C8orf34: variants seen among roughly 807,000 people sequenced by gnomAD.
C8orf34 encodes uncharacterized protein C8orf34.
Under a neutral mutation model 68.3 loss-of-function variants are expected in C8orf34, and 65 were observed. The observed-to-expected ratio is 0.95, with a 90% CI of 0.78 to 1.17. The LOEUF is 1.17. C8orf34 is among the 50% of genes most tolerant of loss of function. The pLI is 0.00. For missense variants in C8orf34, 664 were observed against 655.4 expected (o/e 1.01, Z -0.14); for synonymous variants, 244 against 241.2 (o/e 1.01, Z -0.11).
At chr8:68,775,097 A>G (rs1563662371) in intron 10 of C8orf34, among the ~76,000 whole-genome samples, 1 of 149,932 alleles carries the variant, frequency 6.7e-6, no homozygotes, top group Non-Finnish European at 1.5e-5. Context: ...GAAGAGTATC[A>G]GACTAGAATC....
At chr8:68,645,287 A>G (rs1024422215) in intron 8 of C8orf34, among the ~76,000 whole-genome samples, 2 of 152,000 alleles carry the variant, frequency 1.3e-5, no homozygotes, top group Non-Finnish European at 2.9e-5. Flanking sequence ...CAATAACTAG[A>G]AACAACACAG....
intron 7 of C8orf34, among the ~76,000 whole-genome samples, chr8:68,574,195 ATATG>A (rs1816837101): frequency 6.6e-6 from 1 of 152,100 alleles, no homozygotes; most frequent in African/African-American, 2.4e-5. Flanking sequence ...ATCTGTATAC[ATATG>A]TAAGTATTAA....
At chr8:68,461,603 C>T (rs1321490050) in intron 3 of C8orf34, among the ~76,000 whole-genome samples, 2 of 152,230 alleles carry the variant, frequency 1.3e-5, no homozygotes, top group African/African-American at 2.4e-5. Flanking sequence ...TCGGCAGAAA[C>T]TCTACAAGCC....
chr8:68,370,154 G>A lies in C8orf34; in HGVS notation c.327+38815G>A, dbSNP rs28416348. Among the ~76,000 whole-genome samples, 296 of 152,154 alleles carry A rather than the reference G, an allele frequency of 1.9e-3. 3 individuals carry two copies. Among genetic ancestry groups the A allele is most frequent in the African/African-American group, 6.8e-3 (284 of 41,502 alleles). Reference sequence around the variant, plus strand: ...TCTCCATTTGTGGTAATTCAATTCAGGTTTTAGCCTACCAGACCTAGCTTT... The same window carrying A: ...TCTCCATTTGTGGTAATTCAATTCAAGTTTTAGCCTACCAGACCTAGCTTT... On this transcript the variant is annotated intron_variant, in intron 1 of 13. Coordinates refer to ENST00000518698, the MANE Select transcript of C8orf34 (RefSeq NM_052958.4).
At chr8:68,812,792 T>C (rs1824693069) in intron 12 of C8orf34, among the ~76,000 whole-genome samples, 1 of 152,204 alleles carries the variant, frequency 6.6e-6, no homozygotes, top group South Asian at 2.1e-4. Flanking sequence ...TAAAGATCAC[T>C]TGAGAAGGGG....
At chr8:68,567,653 C>T (rs185939485) in intron 7 of C8orf34, among the ~76,000 whole-genome samples, 6 of 112,034 alleles carry the variant, frequency 5.4e-5, no homozygotes, top group Admixed American at 2.6e-4. Context: ...GGAGTGCAGT[C>T]GTGCAATCTC....
chr8:68,657,476 C>T (rs1476235923), intron 8 of C8orf34, among the ~76,000 whole-genome samples: 2 of 152,194 alleles, frequency 1.3e-5, no homozygotes, highest in Admixed American at 6.5e-5. Flanking sequence ...TCTGCTGCCA[C>T]CTTGATTTAG....
intron 9 of C8orf34, among the ~76,000 whole-genome samples, chr8:68,719,415 CAA>C (rs1821604763): frequency 6.6e-6 from 1 of 151,878 alleles, no homozygotes; most frequent in South Asian, 2.1e-4. Context: ...GTAAATCATA[CAA>C]AGTTACTAAT....
At chr8:68,490,636 T>G (rs1337273473) in intron 5 of C8orf34, among the ~76,000 whole-genome samples, 1 of 152,178 alleles carries the variant, frequency 6.6e-6, no homozygotes, top group African/African-American at 2.4e-5. Context: ...ACATTTATTA[T>G]TTTTCATTTT....
rs539997412 is a variant in C8orf34 at position 68,445,220 on chromosome 8, A to C, written c.476-1109A>C. Among the ~76,000 whole-genome samples the C allele has an allele frequency of 2.0e-5, 3 of 152,330 alleles. No individual in the cohort carries two copies. The South Asian group carries it at 6.2e-4, about 32-fold the overall frequency. On this transcript the variant is annotated intron_variant, in intron 2 of 13. Transcript: ENST00000518698. ...CAACCTTAACATGAAAGTTTGAGGA[A>C]TCCATTAATGTGTAATGGTGTATGT... is the stretch of plus-strand genomic sequence containing the variant.
rs1290119723 is a variant in C8orf34, at chr8:68,798,760, A to AT, written c.1549+11228dup. Among the ~76,000 whole-genome samples, 7 of 152,238 alleles carry AT rather than the reference A, an allele frequency of 4.6e-5. No individual in the cohort carries two copies. The East Asian group carries it at 1.4e-3, about 29-fold the overall frequency. On this transcript the variant is annotated intron_variant, in intron 12 of 13. Coordinates refer to ENST00000518698, the MANE Select transcript of C8orf34 (RefSeq NM_052958.4). ...TCTGAATCATTTGTGTGCTATTCTT[A>AT]TTTTGAAATGTTCCCCATGTTTGTG...
intron 7 of C8orf34, among the ~76,000 whole-genome samples, chr8:68,543,188 A>T (rs1248355862): frequency 6.6e-6 from 1 of 152,152 alleles, no homozygotes; most frequent in South Asian, 2.1e-4. Flanking sequence ...TAAGCAAAAA[A>T]GTTTAGACAT....
intron 12 of C8orf34, among the ~76,000 whole-genome samples, chr8:68,810,794 C>A (rs1249828690): frequency 6.6e-6 from 1 of 152,154 alleles, no homozygotes; most frequent in Non-Finnish European, 1.5e-5. Context: ...TGGGTAGCTC[C>A]TCTCCACAGA....
At chr8:68,590,005 G>T (rs1817337196) in intron 7 of C8orf34, among the ~76,000 whole-genome samples, 1 of 146,398 alleles carries the variant, frequency 6.8e-6, no homozygotes, top group African/African-American at 2.5e-5. Flanking sequence ...TAAAAAATAA[G>T]AAAAAATTTT....
chr8:68,685,528 T>G (rs1244206340), intron 8 of C8orf34, among the ~76,000 whole-genome samples: 2 of 152,082 alleles, frequency 1.3e-5, no homozygotes, highest in Non-Finnish European at 2.9e-5. Flanking sequence ...ATTTCCAAGT[T>G]GAGGTATGAG....
intron 12 of C8orf34, among the ~76,000 whole-genome samples, chr8:68,796,831 T>C (rs1824192048): frequency 6.7e-6 from 1 of 149,110 alleles, no homozygotes; most frequent in Non-Finnish European, 1.5e-5. Context: ...TCTTTTTTTT[T>C]TTTTTTTTTT....
intron 2 of C8orf34, among the ~76,000 whole-genome samples, chr8:68,445,481 G>T (rs958231798): frequency 6.6e-6 from 1 of 152,168 alleles, no homozygotes; most frequent in Non-Finnish European, 1.5e-5. Flanking sequence ...TCTTGTAAAA[G>T]AAGTCAAGAG....
intron 1 of C8orf34, among the ~76,000 whole-genome samples, chr8:68,362,017 A>AT (rs1163717248): frequency 6.6e-6 from 1 of 152,188 alleles, no homozygotes; most frequent in Non-Finnish European, 1.5e-5. Flanking sequence ...ACTGATTTGG[A>AT]TTTTTTATTT....
rs145298918 is a variant in C8orf34 at position 68,442,162 on chromosome 8, G to A, written c.475+2516G>A. On this transcript the variant is annotated intron_variant, in intron 2 of 13. Transcript: ENST00000518698. ...CTAAATTTTGTCTATTTATTATGTG[G>A]TGAGGATATTTGCCAAGACAAGTGG... Among the ~76,000 whole-genome samples the A allele has an allele frequency of 8.5e-5, 13 of 152,202 alleles. No homozygotes were observed. In the East Asian group the frequency reaches 2.5e-3, roughly 29 times the overall value.
Sources: allele counts gnomAD v4.1 joint callset (sites outside exome capture counted in the v4.1 genomes callset), GRCh38; gene constraint gnomAD v4.1.1; transcripts MANE v1.5; gene names NCBI Gene and HGNC (gene_info 2026-07-23, HGNC 2026-07-21).